The following TSPAN8 variants were observed in gnomAD, a reference collection of about 807,000 sequenced individuals.
TSPAN8 encodes the protein tetraspanin-8.
TSPAN8 carries 21 observed loss-of-function variants against 32.8 expected under a neutral mutation model. That is an observed-to-expected ratio of 0.64 (90% confidence interval 0.45 to 0.92). The LOEUF is 0.92. TSPAN8 is among the 40% of genes least tolerant of loss of function. The probability of loss-of-function intolerance (pLI) is 0.00; values close to 1 mark genes in which losing one functional copy is unlikely to be tolerated. For missense variants in TSPAN8, 269 were observed against 281.9 expected, an observed-to-expected ratio of 0.95 and a Z score of 0.33; for synonymous variants, 95 against 94.6, an observed-to-expected ratio of 1.00 and a Z score of -0.03.
intron 2 of TSPAN8, among the ~76,000 whole-genome samples, chr12:71,153,272 AG>A (rs1351545971): frequency 6.6e-6 from 1 of 152,246 alleles, no homozygotes; most frequent in African/African-American, 2.4e-5. Flanking sequence ...CTAGGGAAAT[AG>A]GTTTCGTACC....
chr12:71,130,251 G>A (rs569047498), intron 7 of TSPAN8, among the ~76,000 whole-genome samples: 3 of 151,862 alleles, frequency 2.0e-5, no homozygotes, highest in East Asian at 3.9e-4. Context: ...CACTGCTGCC[G>A]GAAAAAACAA....
At chr12:71,140,438 T>G (rs1871866465) in intron 3 of TSPAN8, among the ~76,000 whole-genome samples, 1 of 152,208 alleles carries the variant, frequency 6.6e-6, no homozygotes, top group Non-Finnish European at 1.5e-5. Flanking sequence ...AAAAGGGACA[T>G]GAGGGAACTT....
intron 6 of TSPAN8, among the ~76,000 whole-genome samples, chr12:71,135,128 G>T (rs1871639662): frequency 2.0e-5 from 3 of 152,058 alleles, no homozygotes; most frequent in African/African-American, 7.2e-5. Context: ...GCCAGAGTTT[G>T]TGGTGGTAGG....
chr12:71,143,032 G>A (rs1871954964), intron 3 of TSPAN8, among the ~76,000 whole-genome samples: 1 of 152,072 alleles, frequency 6.6e-6, no homozygotes, highest in Non-Finnish European at 1.5e-5. Context: ...CTTAATTGCT[G>A]GCTTAATAAA....
At chr12:71,137,245 A>C (rs948866360) in intron 6 of TSPAN8, among the ~76,000 whole-genome samples, 1 of 152,106 alleles carries the variant, frequency 6.6e-6, no homozygotes, top group Non-Finnish European at 1.5e-5. Flanking sequence ...ATACTACTGC[A>C]CTCCAGGCTG....
chr12:71,127,785 T>G (rs1157784793), intron 8 of TSPAN8, among the ~76,000 whole-genome samples: 4 of 152,202 alleles, frequency 2.6e-5, no homozygotes, highest in Non-Finnish European at 5.9e-5. Context: ...ACCTCCCCAA[T>G]CAAGTATGTC....
intron 2 of TSPAN8, among the ~76,000 whole-genome samples, chr12:71,148,769 T>C (rs895107494): frequency 6.6e-6 from 1 of 152,224 alleles, no homozygotes; most frequent in African/African-American, 2.4e-5. Flanking sequence ...ATGTGATCTC[T>C]ACAGTGAAGT....
intron 2 of TSPAN8, among the ~76,000 whole-genome samples, chr12:71,154,036 C>T (rs780773202): frequency 1.1e-4 from 16 of 152,080 alleles, no homozygotes; most frequent in Non-Finnish European, 1.5e-4. Flanking sequence ...TGGCCAGGCG[C>T]GGTGCCTCAT....
intron 4 of TSPAN8, 83 bp downstream of exon 4, chr12:71,139,628 C>G: frequency 6.7e-7 from 1 of 1,496,602 alleles, no homozygotes; most frequent in Non-Finnish European, 9.0e-7. Context: ...AATCATGGCA[C>G]GTTCTTTTAA....
intron 2 of TSPAN8, among the ~76,000 whole-genome samples, chr12:71,148,771 C>A (rs560098275): frequency 9.8e-4 from 149 of 152,282 alleles, no homozygotes; most frequent in Admixed American, 3.4e-3. Context: ...GTGATCTCTA[C>A]AGTGAAGTTT....
chr12:71,125,843 T>A (rs1468997726), intron 8 of TSPAN8, among the ~76,000 whole-genome samples: 1 of 152,118 alleles, frequency 6.6e-6, no homozygotes, highest in Non-Finnish European at 1.5e-5. Context: ...TTTCTCTTGC[T>A]GTAGTTTTAG....
At chr12:71,150,037 A>G (rs1363492385) in intron 2 of TSPAN8, among the ~76,000 whole-genome samples, 1 of 152,202 alleles carries the variant, frequency 6.6e-6, no homozygotes, top group Non-Finnish European at 1.5e-5. Context: ...AGGGAGGTCT[A>G]TAAACAGCTT....
intron 2 of TSPAN8, among the ~76,000 whole-genome samples, chr12:71,151,362 C>T (rs1872250550): frequency 6.6e-6 from 1 of 152,192 alleles, no homozygotes; most frequent in Non-Finnish European, 1.5e-5. Flanking sequence ...CGCGCCTGGT[C>T]TCATGTGCAT....
intron 7 of TSPAN8, among the ~76,000 whole-genome samples, chr12:71,130,471 A>T (rs1179643944): frequency 1.3e-5 from 2 of 152,188 alleles, no homozygotes; most frequent in Non-Finnish European, 2.9e-5. Context: ...AAGAATTGTA[A>T]ATTATGTGAA....
intron 6 of TSPAN8, among the ~76,000 whole-genome samples, chr12:71,134,003 G>T (rs1871602981): frequency 6.6e-6 from 1 of 152,030 alleles, no homozygotes; most frequent in East Asian, 1.9e-4. Flanking sequence ...CACTTACTGG[G>T]CAGGTAATCA....
chr12:71,140,693 C>T (rs1026691349), intron 3 of TSPAN8, among the ~76,000 whole-genome samples: 7 of 152,190 alleles, frequency 4.6e-5, no homozygotes, highest in African/African-American at 1.7e-4. Flanking sequence ...GTCTTCATCA[C>T]CCTCATAACA....
At chr12:71,130,550 A>G (rs1377102738) in intron 7 of TSPAN8, among the ~76,000 whole-genome samples, 1 of 152,230 alleles carries the variant, frequency 6.6e-6, no homozygotes, top group Non-Finnish European at 1.5e-5. Context: ...GAAATATATT[A>G]TCCCTTTGAT....
chr12:71,131,536 A>T (rs1191549382), intron 7 of TSPAN8, among the ~76,000 whole-genome samples: 1 of 151,746 alleles, frequency 6.6e-6, no homozygotes, highest in Non-Finnish European at 1.5e-5. Flanking sequence ...ATTGAAAAGA[A>T]TCTTCGGGTA....
intron 8 of TSPAN8, among the ~76,000 whole-genome samples, chr12:71,128,176 T>A (rs60645898): frequency 0.024 from 3,604 of 152,274 alleles, 174 homozygotes; most frequent in African/African-American, 0.082. Context: ...ATGCTTCATA[T>A]TTATACCTAT....
Sources: allele counts gnomAD v4.1 joint callset (sites outside exome capture counted in the v4.1 genomes callset), GRCh38; gene constraint gnomAD v4.1.1; transcripts MANE v1.5; gene names NCBI Gene and HGNC (gene_info 2026-07-23, HGNC 2026-07-21).